RGMA: variants seen among roughly 807,000 people sequenced by gnomAD.
The protein encoded by RGMA is repulsive guidance molecule BMP co-receptor a.
RGMA carries 10 observed loss-of-function variants against 23.2 expected under a neutral mutation model. That is an observed-to-expected ratio of 0.43 (90% CI 0.27 to 0.73). The LOEUF is 0.73. RGMA is among the 30% of genes least tolerant of loss of function. The pLI, the probability that RGMA is intolerant of heterozygous loss-of-function variation, is 0.20. For missense variants in RGMA, 547 were observed against 630.5 expected, an observed-to-expected ratio of 0.87 and a Z score of 1.42; for synonymous variants, 308 against 279.3, an observed-to-expected ratio of 1.10 and a Z score of -1.03.
At chr15:93,081,834 G>A (rs902754829) in intron 1 of RGMA, among the ~76,000 whole-genome samples, 1 of 152,218 alleles carries the variant, frequency 6.6e-6, no homozygotes, top group African/African-American at 2.4e-5. Flanking sequence ...ATGGGAGGTG[G>A]GGAAAAGTGC....
Position 93,045,207 on chromosome 15 carries a change from G to A in RGMA, c.1144C>T (p.Leu382Phe). 2 of 1,611,562 alleles carry A rather than the reference G, an allele frequency of 1.2e-6. No individual in the cohort carries two copies. Among genetic ancestry groups the A allele is most frequent in the Non-Finnish European group, 1.7e-6 (2 of 1,178,998 alleles). ...AAGTTCACGTCGCCCGTGGTGAGGA[G>A]GTCGAAGACGCAGGCCTGGTAGTAC... ...DLYYQACVFDLLTTGDVNFTL... is the reference protein window; with the variant it reads ...DLYYQACVFDFLTTGDVNFTL... The change falls in exon 4 of 4, where the codon CTC (leucine) becomes TTC (phenylalanine). Residue 382 changes from leucine (L) to phenylalanine (F), a missense_variant. This residue lies in a region of RGMA where 205 missense variants were observed against 204.1 expected (regional missense o/e 1.00). Transcript: ENST00000329082. The surrounding 1 kb of genome is among the most constrained non-coding windows in gnomAD (Gnocchi z 6.9).
chr15:93,050,528 C>T (rs553770378), intron 3 of RGMA, among the ~76,000 whole-genome samples: 6 of 152,202 alleles, frequency 3.9e-5, no homozygotes, highest in Non-Finnish European at 7.3e-5. Context: ...GTTGGTGAAG[C>T]TCTGCTTCAT....
At chr15:93,066,221 C>T (rs765626315) in intron 2 of RGMA, 16 of 1,409,632 alleles carry the variant, frequency 1.1e-5, no homozygotes, top group East Asian at 4.7e-5. Context: ...TCATCTCCAA[C>T]GCTGCGCAGA....
At chr15:93,087,893 G>C (rs149633585) in intron 1 of RGMA, among the ~76,000 whole-genome samples, 1 of 152,076 alleles carries the variant, frequency 6.6e-6, no homozygotes, top group African/African-American at 2.4e-5. Flanking sequence ...TCGATACTCA[G>C]AGAGCTTCTG....
At chr15:93,080,490 C>A (rs925298704) in intron 1 of RGMA, among the ~76,000 whole-genome samples, 1 of 152,216 alleles carries the variant, frequency 6.6e-6, no homozygotes, top group Non-Finnish European at 1.5e-5. Context: ...GTTTGGGCAG[C>A]TCTGGGTGAC....
chr15:93,048,089 A>G (rs1202755700), intron 3 of RGMA, among the ~76,000 whole-genome samples: 1 of 152,118 alleles, frequency 6.6e-6, no homozygotes, highest in South Asian at 2.1e-4. Flanking sequence ...AAGAGGCCTG[A>G]GGCCTGGAAA....
chr15:93,073,319 G>A (rs1895402838), intron 1 of RGMA, among the ~76,000 whole-genome samples: 2 of 151,852 alleles, frequency 1.3e-5, no homozygotes, highest in African/African-American at 2.4e-5. Flanking sequence ...GCCGGGCGGG[G>A]ACCCAGGCTG....
intron 2 of RGMA, among the ~76,000 whole-genome samples, chr15:93,053,481 C>T (rs1321760336): frequency 3.9e-5 from 6 of 152,166 alleles, no homozygotes; most frequent in African/African-American, 4.8e-5. Flanking sequence ...TGGTCTCCAG[C>T]GGGGAAAGGG....
chr15:93,049,887 TGTTGGTGGTAGTCGA>T (rs2054889921), intron 3 of RGMA, among the ~76,000 whole-genome samples: 1 of 152,120 alleles, frequency 6.6e-6, no homozygotes, highest in South Asian at 2.1e-4. Flanking sequence ...CAGAGGGCTC[TGTTGGTGGTAGTCGA>T]GGTGGTCACA....
intron 3 of RGMA, among the ~76,000 whole-genome samples, chr15:93,046,637 A>T (rs2054829005): frequency 6.6e-6 from 1 of 152,208 alleles, no homozygotes; most frequent in East Asian, 1.9e-4. Flanking sequence ...GCTCAAAGAA[A>T]GAATGAATAG....
In RGMA at chr15:93,045,171, C is replaced by T. The variant is rs1458856829; in HGVS notation, c.1180G>A (p.Ala394Thr). The change falls in exon 4 of 4, where the codon GCC becomes ACC. Residue 394 changes from alanine to threonine, a missense_variant. Around this residue, in one of 3 missense-constraint regions of RGMA, gnomAD observed 205 missense variants for 204.1 expected, o/e 1.00. Coordinates refer to ENST00000329082, the MANE Select transcript of RGMA (RefSeq NM_020211.3). The surrounding 1 kb of genome is among the most constrained non-coding windows in gnomAD (Gnocchi z 6.9). The stretch of plus-strand genomic sequence containing the variant: ...TTGACATCCTCCAACGCGTAGTAGG[C>T]GGCCAGTGTGAAGTTCACGTCGCCC... ...TTGDVNFTLA[A>T]YYALEDVKML... 6.2e-6 allele frequency: 10 copies of T among 1,607,806 alleles called. No homozygotes were observed. The highest frequency in any genetic ancestry group is 1.3e-5 in the African/African-American group (1 of 74,834).
At position 93,044,927 on chromosome 15, in the gene RGMA, G is replaced by A. The variant is rs1460162806; in HGVS notation, c.*71C>T. The A allele has an allele frequency of 3.3e-5, 43 of 1,313,960 alleles. No homozygotes were observed. Among genetic ancestry groups the A allele is most frequent in the South Asian group, 1.3e-4 (9 of 69,994 alleles). The allele number at this position is 1,313,960 out of a possible 1,614,324, so 81.4% of individuals were successfully genotyped here. A position where few individuals can be genotyped will look rare whatever the true frequency, so the allele number is the denominator to read the frequency against. On this transcript the variant is annotated 3_prime_UTR_variant, in exon 4 of 4. Coordinates refer to ENST00000329082, the MANE Select transcript of RGMA (RefSeq NM_020211.3). ...GGACACGCCAGGAGATCTGCACCCCGTGGGCGGTCCCAGCCCACACATGGG... is the reference window on the plus strand; with the variant it reads ...GGACACGCCAGGAGATCTGCACCCCATGGGCGGTCCCAGCCCACACATGGG...
At chr15:93,051,234 G>C (rs878905714) in intron 3 of RGMA, among the ~76,000 whole-genome samples, 1 of 152,208 alleles carries the variant, frequency 6.6e-6, no homozygotes, top group Admixed American at 6.5e-5. Flanking sequence ...GTGGAGGGGT[G>C]GGAAGGAACA....
intron 3 of RGMA, 118 bp downstream of exon 3, chr15:93,051,875 C>T (rs762065386): frequency 4.0e-5 from 44 of 1,109,636 alleles, no homozygotes; most frequent in African/African-American, 1.1e-4. Flanking sequence ...CCTGTGTCCC[C>T]GCTCCGCTCC....
intron 1 of RGMA, chr15:93,073,477 A>C: frequency 8.8e-7 from 1 of 1,140,794 alleles, no homozygotes; most frequent in Non-Finnish European, 1.2e-6. Flanking sequence ...GCAGGGCATG[A>C]GGCGGGGCAG....
At chr15:93,065,591 A>G in intron 2 of RGMA, 1 of 783,040 alleles carries the variant, frequency 1.3e-6, no homozygotes, top group Non-Finnish European at 2.2e-6. Context: ...GAATCACTCC[A>G]GGATGGTGGT....
At chr15:93,083,568 G>T (rs1017808588) in intron 1 of RGMA, among the ~76,000 whole-genome samples, 1 of 152,250 alleles carries the variant, frequency 6.6e-6, no homozygotes, top group East Asian at 1.9e-4. Flanking sequence ...AGATGAAGCA[G>T]TTAGCCAACC....
At chr15:93,069,842 G>C (rs1361532128) in intron 2 of RGMA, among the ~76,000 whole-genome samples, 1 of 152,258 alleles carries the variant, frequency 6.6e-6, no homozygotes, top group African/African-American at 2.4e-5. Context: ...AGGAAGCCTG[G>C]TGACATGTCC....
intron 2 of RGMA, among the ~76,000 whole-genome samples, chr15:93,056,407 G>A (rs28671257): frequency 0.44 from 66,405 of 151,800 alleles, 15,022 homozygotes; most frequent in East Asian, 0.61. Flanking sequence ...CGCCTGAGAC[G>A]AGGCCCTTTC....
Sources: allele counts gnomAD v4.1 joint callset (sites outside exome capture counted in the v4.1 genomes callset), GRCh38; gene constraint gnomAD v4.1.1; regional missense constraint gnomAD v4.1.1; non-coding constraint Gnocchi (gnomAD v3.1); transcripts MANE v1.5; gene names NCBI Gene and HGNC (gene_info 2026-07-23, HGNC 2026-07-21).